Variants in PEX3 observed in about 807,000 individuals in gnomAD.
The protein encoded by PEX3 is peroxin-3.
A neutral mutation model predicts 55.8 loss-of-function variants in PEX3; 30 were observed. The ratio of observed to expected loss-of-function variants is 0.54; its 90% CI spans 0.40 to 0.73. PEX3 has a LOEUF of 0.73. Among genes scored for constraint, PEX3 ranks in the 30% least tolerant of loss-of-function variants. PEX3 has a pLI of 0.00. For missense variants in PEX3, 351 were observed against 432.8 expected (o/e 0.81, Z 1.68); for synonymous variants, 135 against 148.4 (o/e 0.91, Z 0.66).
chr6:143,483,715 CAG>C lies in PEX3; in HGVS notation c.942-1436_942-1435del, dbSNP rs1190089147. Among the ~76,000 whole-genome samples the C allele has an allele frequency of 6.6e-6, 1 of 152,064 alleles. No homozygotes were observed. Among genetic ancestry groups the C allele is most frequent in the Non-Finnish European group, 1.5e-5 (1 of 68,004 alleles). ...GTTTGTGGAAAAGGAATTGGGTAAACAGGGACTGGGGCAGGACAGACAAATGG... is the reference window on the plus strand; with the variant it reads ...GTTTGTGGAAAAGGAATTGGGTAAACGGACTGGGGCAGGACAGACAAATGG... On this transcript the variant is annotated intron_variant, in intron 10 of 11. Transcript: ENST00000367591. This position sits in a 1 kb window ranked among gnomAD's most constrained non-coding sequence, Gnocchi z 4.3.
intron 4 of PEX3, among the ~76,000 whole-genome samples, chr6:143,468,805 C>CG (rs1562653831): frequency 6.8e-4 from 9 of 13,158 alleles, no homozygotes; most frequent in African/African-American, 3.1e-3. Flanking sequence ...ATGCTATCCC[C>CG]CCCCCCCCCA....
rs908976510 is a variant in PEX3 at position 143,486,369 on chromosome 6, A to C, written c.1038+1121A>C. 6.6e-6 allele frequency among the ~76,000 whole-genome samples: 1 copy of C among 152,126 alleles called. No individual in the cohort carries two copies. Among genetic ancestry groups the C allele is most frequent in the African/African-American group, 2.4e-5 (1 of 41,442 alleles). Reference sequence around the variant, plus strand: ...GCTGTTCATTTTGACAGATGAGTGGAAATTACAACCAAGCATAAAGCATCA... The same window carrying C: ...GCTGTTCATTTTGACAGATGAGTGGCAATTACAACCAAGCATAAAGCATCA... On this transcript the variant is annotated intron_variant, in intron 11 of 11. Coordinates refer to ENST00000367591, the MANE Select transcript of PEX3 (RefSeq NM_003630.3). The surrounding 1 kb of genome is among the most constrained non-coding windows in gnomAD (Gnocchi z 5.0).
chr6:143,474,178 G>T (rs564380073), intron 8 of PEX3, among the ~76,000 whole-genome samples: 1 of 151,772 alleles, frequency 6.6e-6, no homozygotes, highest in Admixed American at 6.6e-5. Flanking sequence ...GGCCGGGTGC[G>T]GTGGTGCACG....
At chr6:143,461,595 G>A (rs1255421468) in intron 2 of PEX3, among the ~76,000 whole-genome samples, 2 of 150,236 alleles carry the variant, frequency 1.3e-5, no homozygotes, top group Non-Finnish European at 3.0e-5. Flanking sequence ...AAAAAAAAAA[G>A]AGTGCTTTGG....
chr6:143,476,292 A>G lies in PEX3; in HGVS notation c.818+1436A>G, dbSNP rs1050275422. 6.6e-6 allele frequency among the ~76,000 whole-genome samples: 1 copy of G among 152,222 alleles called. No individual in the cohort carries two copies. The highest frequency in any genetic ancestry group is 1.5e-5 in the Non-Finnish European group (1 of 68,038). On this transcript the variant is annotated intron_variant, in intron 9 of 11. Transcript: ENST00000367591. This position sits in a 1 kb window ranked among gnomAD's most constrained non-coding sequence, Gnocchi z 5.4. ...TGGAGCACAGTGAATGAGAAAAGTA[A>G]TAGGGAAGTGAGATTGGAGAGATAG... is the stretch of plus-strand genomic sequence containing the variant.
intron 4 of PEX3, 122 bp downstream of exon 4, chr6:143,468,287 T>C: frequency 1.4e-6 from 1 of 694,654 alleles, no homozygotes; most frequent in African/African-American, 1.8e-5. Flanking sequence ...TATTAAATAA[T>C]ATAGTACAGG....
chr6:143,471,101 T>C lies in PEX3; in HGVS notation c.456+16T>C. The C allele has an allele frequency of 6.2e-7, 1 of 1,610,160 alleles. No homozygotes were observed. Among genetic ancestry groups the C allele is most frequent in the Non-Finnish European group, 8.5e-7 (1 of 1,176,586 alleles). ...AAATGGCACTGTAAGTTTAATAGAC[T>C]TAAATAGACATTGTTCTTTCCCTCA... On this transcript the variant is annotated intron_variant, in intron 5 of 11. Transcript: ENST00000367591. The surrounding 1 kb of genome is among the most constrained non-coding windows in gnomAD (Gnocchi z 5.4).
chr6:143,463,008 G>T lies in PEX3; in HGVS notation c.287+11G>T, dbSNP rs775082879. On this transcript the variant is annotated intron_variant, in intron 3 of 11. Coordinates refer to ENST00000367591, the MANE Select transcript of PEX3 (RefSeq NM_003630.3). This position sits in a 1 kb window ranked among gnomAD's most constrained non-coding sequence, Gnocchi z 5.7. ...TCTGCTAAAAAACAGGTAAATGCAA[G>T]TTACAGCATTTTCTGTTTAAGCACT... The T allele has an allele frequency of 1.9e-6, 3 of 1,593,936 alleles. No individual in the cohort carries two copies. The South Asian group carries it at 3.3e-5, about 18-fold the overall frequency.
At position 143,471,181 on chromosome 6, in the gene PEX3, T is replaced by C. The variant is rs1780068392; in HGVS notation, c.456+96T>C. 3 of 1,171,220 alleles carry C rather than the reference T, an allele frequency of 2.6e-6. No homozygotes were observed. Among genetic ancestry groups the C allele is most frequent in the Admixed American group, 3.6e-5 (2 of 56,282 alleles). The allele number at this position is 1,171,220 out of a possible 1,614,324, so 72.6% of individuals were successfully genotyped here. A position where few individuals can be genotyped will look rare whatever the true frequency, so the allele number is the denominator to read the frequency against. On this transcript the variant is annotated intron_variant, in intron 5 of 11. Coordinates refer to ENST00000367591, the MANE Select transcript of PEX3 (RefSeq NM_003630.3). This position sits in a 1 kb window ranked among gnomAD's most constrained non-coding sequence, Gnocchi z 5.4. ...GATAACAATTTCTATGAAATAAATA[T>C]TTTTATATTTCATGTGATTGTGAAC... is the stretch of plus-strand genomic sequence containing the variant.
Position 143,464,917 on chromosome 6 carries a change from A to C in PEX3, c.287+1920A>C, listed in dbSNP as rs1779972631. Among the ~76,000 whole-genome samples, 1 of 151,964 alleles carries C rather than the reference A, an allele frequency of 6.6e-6. No individual in the cohort carries two copies. The highest frequency in any genetic ancestry group is 6.5e-5 in the Admixed American group (1 of 15,272). Reference sequence around the variant, plus strand: ...ATAACTAAGATAATAACTAATGAGAAATAAGTAGATGATTTGATAGTCTTA... The same window carrying C: ...ATAACTAAGATAATAACTAATGAGACATAAGTAGATGATTTGATAGTCTTA... On this transcript the variant is annotated intron_variant, in intron 3 of 11. Transcript: ENST00000367591. The surrounding 1 kb of genome is among the most constrained non-coding windows in gnomAD (Gnocchi z 5.8).
chr6:143,460,174 A>G (rs1160187196), intron 2 of PEX3, among the ~76,000 whole-genome samples: 1 of 152,220 alleles, frequency 6.6e-6, no homozygotes, highest in African/African-American at 2.4e-5. Flanking sequence ...TTAGAGTTAA[A>G]GGCCTTTATT....
Position 143,450,846 on chromosome 6 carries a change from T to A in PEX3, c.-197T>A, listed in dbSNP as rs184934783. The A allele has an allele frequency of 1.3e-6, 1 of 756,124 alleles. No individual in the cohort carries two copies. Among genetic ancestry groups the A allele is most frequent in the South Asian group, 1.5e-5 (1 of 64,668 alleles). 46.8% of individuals were successfully genotyped at this position (756,124 alleles called of 1,614,324 possible). On this transcript the variant is annotated 5_prime_UTR_variant, in exon 1 of 12. Transcript: ENST00000367591. ...TGCGCGGCGGCAGCGGCAGAAAGCG[T>A]AGCTGCTTTGCTGTAGTCCACGCCC...
chr6:143,476,070 G>A lies in PEX3; in HGVS notation c.818+1214G>A, dbSNP rs900147753. Among the ~76,000 whole-genome samples, 4 of 152,220 alleles carry A rather than the reference G, an allele frequency of 2.6e-5. No individual in the cohort carries two copies. The highest frequency in any genetic ancestry group is 9.6e-5 in the African/African-American group (4 of 41,466). Reference sequence around the variant, plus strand: ...AAACACAAAGCAGGGTAAGGGGTTAGAGAGTGACCAGGGATGCTGTTTGTA... The same window carrying A: ...AAACACAAAGCAGGGTAAGGGGTTAAAGAGTGACCAGGGATGCTGTTTGTA... On this transcript the variant is annotated intron_variant, in intron 9 of 11. Coordinates refer to ENST00000367591, the MANE Select transcript of PEX3 (RefSeq NM_003630.3). The surrounding 1 kb of genome is among the most constrained non-coding windows in gnomAD (Gnocchi z 5.4).
chr6:143,476,311 G>A lies in PEX3; in HGVS notation c.818+1455G>A, dbSNP rs573110372. On this transcript the variant is annotated intron_variant, in intron 9 of 11. Transcript: ENST00000367591. This position sits in a 1 kb window ranked among gnomAD's most constrained non-coding sequence, Gnocchi z 5.4. Reference sequence around the variant, plus strand: ...AAAGTAATAGGGAAGTGAGATTGGAGAGATAGATGGAAACTCCAGAGTATG... The same window carrying A: ...AAAGTAATAGGGAAGTGAGATTGGAAAGATAGATGGAAACTCCAGAGTATG... Among the ~76,000 whole-genome samples, 3 of 152,336 alleles carry A rather than the reference G, an allele frequency of 2.0e-5. No homozygotes were observed. The East Asian group carries it at 5.8e-4, about 29-fold the overall frequency.
At position 143,475,215 on chromosome 6, in the gene PEX3, C is replaced by T. The variant is rs1780136450; in HGVS notation, c.818+359C>T. 6.6e-6 allele frequency among the ~76,000 whole-genome samples: 1 copy of T among 152,194 alleles called. No individual in the cohort carries two copies. Among genetic ancestry groups the T allele is most frequent in the African/African-American group, 2.4e-5 (1 of 41,460 alleles). ...TATCCAATGAACCTGTAATGTTCAT[C>T]TTACTTGACCTTTCTCTGATATTTG... On this transcript the variant is annotated intron_variant, in intron 9 of 11. Coordinates refer to ENST00000367591, the MANE Select transcript of PEX3 (RefSeq NM_003630.3). This position sits in a 1 kb window ranked among gnomAD's most constrained non-coding sequence, Gnocchi z 4.4.
rs1779897609 is a variant in PEX3 at position 143,459,949 on chromosome 6, A to C, written c.205+733A>C. Among the ~76,000 whole-genome samples the C allele has an allele frequency of 6.6e-6, 1 of 152,236 alleles. No homozygotes were observed. Among genetic ancestry groups the C allele is most frequent in the African/African-American group, 2.4e-5 (1 of 41,472 alleles). On this transcript the variant is annotated intron_variant, in intron 2 of 11. Coordinates refer to ENST00000367591, the MANE Select transcript of PEX3 (RefSeq NM_003630.3). The surrounding 1 kb of genome is among the most constrained non-coding windows in gnomAD (Gnocchi z 4.2). ...GAGCTAGAAACATAGTCCTGGGAGA[A>C]TGCCATCACAAAATCAACCTGCCCA... is the stretch of plus-strand genomic sequence containing the variant.
rs1780195324 is a variant in PEX3 at position 143,479,187 on chromosome 6, C to T, written c.930C>T (p.Asn310=). Residue 310 remains asparagine, a synonymous_variant, in exon 10 of 12, where the codon AAC becomes AAT. Transcript: ENST00000367591. The surrounding 1 kb of genome is among the most constrained non-coding windows in gnomAD (Gnocchi z 4.6). ...CTGAACAGGACCTGCAACATGGTAA[C>T]TCTATGAATAGGTAAGATGACATAT... ...RPTEQDLQHG[N]SMNSLSSVSL... The T allele has an allele frequency of 6.2e-7, 1 of 1,604,342 alleles. No individual in the cohort carries two copies. The highest frequency in any genetic ancestry group is 8.5e-7 in the Non-Finnish European group (1 of 1,171,510).
At position 143,454,078 on chromosome 6, in the gene PEX3, CAT is replaced by C. The variant is rs1203628859; in HGVS notation, c.73+2965_73+2966del. Among the ~76,000 whole-genome samples the C allele has an allele frequency of 6.6e-6, 1 of 151,884 alleles. No individual in the cohort carries two copies. Among genetic ancestry groups the C allele is most frequent in the African/African-American group, 2.4e-5 (1 of 41,326 alleles). ...AAATAATAAACCTATTACATATTAA[CAT>C]ACATAACATTTTCAAAAAATTAATG... is the stretch of plus-strand genomic sequence containing the variant. On this transcript the variant is annotated intron_variant, in intron 1 of 11. Coordinates refer to ENST00000367591, the MANE Select transcript of PEX3 (RefSeq NM_003630.3). The surrounding 1 kb of genome is among the most constrained non-coding windows in gnomAD (Gnocchi z 4.3).
intron 10 of PEX3, among the ~76,000 whole-genome samples, chr6:143,481,215 C>T (rs915167537): frequency 3.4e-5 from 5 of 149,232 alleles, no homozygotes; most frequent in African/African-American, 1.2e-4. Flanking sequence ...ATATGTATTA[C>T]ATATGCATGT....
Sources: gnomAD v4.1 joint callset for allele counts (sites outside exome capture counted in the v4.1 genomes callset) on GRCh38, gnomAD v4.1.1 for gene constraint, Gnocchi (gnomAD v3.1) non-coding constraint, MANE v1.5 for transcripts, NCBI Gene and HGNC (gene_info 2026-07-23, HGNC 2026-07-21) for gene names.